Variants in P3H2 observed in about 807,000 individuals in gnomAD.
P3H2 encodes the protein prolyl 3-hydroxylase 2.
P3H2 carries 80 observed loss-of-function variants against 87.0 expected under a neutral mutation model. The observed-to-expected ratio is 0.92, with a 90% CI of 0.77 to 1.11. The LOEUF (loss-of-function observed/expected upper bound fraction) is 1.11, where lower values mean the gene tolerates loss of function less well. Ranked by LOEUF, P3H2 falls within the 50% of genes least tolerant of loss-of-function variation. The probability of loss-of-function intolerance (pLI) is 0.00; values close to 1 mark genes in which losing one functional copy is unlikely to be tolerated. For synonymous variants in P3H2, 367 were observed against 359.3 expected (o/e 1.02, Z -0.24); for missense variants, 1,001 against 923.9 (o/e 1.08, Z -1.08).
At chr3:190,094,198 C>T (rs1262489487) in intron 1 of P3H2, among the ~76,000 whole-genome samples, 1 of 152,224 alleles carries the variant, frequency 6.6e-6, no homozygotes, top group Non-Finnish European at 1.5e-5. Flanking sequence ...TAATCCAATA[C>T]TGACACTATT....
chr3:190,043,814 TC>T (rs1725717948), intron 1 of P3H2, among the ~76,000 whole-genome samples: 1 of 152,168 alleles, frequency 6.6e-6, no homozygotes, highest in African/African-American at 2.4e-5. Context: ...CAGCTGTGTC[TC>T]CCAGAGTCAG....
chr3:190,013,042 T>C (rs1466915365), intron 1 of P3H2, among the ~76,000 whole-genome samples: 1 of 152,208 alleles, frequency 6.6e-6, no homozygotes. Context: ...GCTGTTCATA[T>C]GGTTGTTCAC....
chr3:189,981,363 A>C (rs757130980), intron 8 of P3H2, among the ~76,000 whole-genome samples: 6 of 152,188 alleles, frequency 3.9e-5, no homozygotes, highest in Non-Finnish European at 7.3e-5. Flanking sequence ...TCAGAACTGA[A>C]TTGGATTAGT....
At chr3:190,000,775 G>C (rs919373893) in intron 1 of P3H2, among the ~76,000 whole-genome samples, 4 of 152,136 alleles carry the variant, frequency 2.6e-5, no homozygotes, top group Non-Finnish European at 5.9e-5. Context: ...AGTTAGAGAA[G>C]GACGGATCAT....
In P3H2 at chr3:189,957,334, C is replaced by A; in HGVS notation, c.*578G>T. 2.5e-6 allele frequency: 1 copy of A among 401,180 alleles called. No homozygotes were observed. Among genetic ancestry groups the A allele is most frequent in the South Asian group, 1.3e-4 (1 of 7,448 alleles). The allele number at this position is 401,180 out of a possible 1,614,324, so 24.9% of individuals were successfully genotyped here. ...AAAGGCACAGAGCAAGAAAGGGCTT[C>A]AGAGACCAGGCACAGGTTAATTTTA... On this transcript the variant is annotated 3_prime_UTR_variant, in exon 15 of 15. Coordinates refer to ENST00000319332, the MANE Select transcript of P3H2 (RefSeq NM_018192.4).
chr3:190,118,412 C>A (rs1712378735), intron 1 of P3H2, among the ~76,000 whole-genome samples: 1 of 152,004 alleles, frequency 6.6e-6, no homozygotes, highest in Non-Finnish European at 1.5e-5. Flanking sequence ...CTTATGATAA[C>A]TTCACCGTCA....
At chr3:189,973,725 C>A (rs910342689) in intron 10 of P3H2, among the ~76,000 whole-genome samples, 184 bp downstream of exon 10, 1 of 151,884 alleles carries the variant, frequency 6.6e-6, no homozygotes, top group Non-Finnish European at 1.5e-5. Flanking sequence ...GGGGTTTCAC[C>A]ATGTTAGCCA....
intron 1 of P3H2, among the ~76,000 whole-genome samples, chr3:190,112,499 T>C (rs978082051): frequency 6.6e-6 from 1 of 150,924 alleles, no homozygotes; most frequent in African/African-American, 2.5e-5. Context: ...TTAATACAGC[T>C]AGAAACCTGA....
intron 1 of P3H2, among the ~76,000 whole-genome samples, chr3:190,105,497 T>C (rs538875283): frequency 6.6e-6 from 1 of 152,286 alleles, no homozygotes; most frequent in South Asian, 2.1e-4. Flanking sequence ...CTCTTGAACA[T>C]TGCCTAGTTT....
At chr3:190,095,897 C>T (rs908637693) in intron 1 of P3H2, among the ~76,000 whole-genome samples, 5 of 151,970 alleles carry the variant, frequency 3.3e-5, no homozygotes, top group African/African-American at 9.7e-5. Context: ...CCACCGCGCC[C>T]GGCCAAAAAC....
chr3:190,011,832 A>G (rs1724599365), intron 1 of P3H2, among the ~76,000 whole-genome samples: 1 of 152,248 alleles, frequency 6.6e-6, no homozygotes, highest in African/African-American at 2.4e-5. Context: ...AAAAAAGCAG[A>G]TTGTATGACA....
intron 1 of P3H2, among the ~76,000 whole-genome samples, chr3:190,003,496 A>T (rs375980675): frequency 5.7e-5 from 2 of 35,118 alleles, no homozygotes; most frequent in African/African-American, 1.0e-4. Flanking sequence ...CCTTGATGTT[A>T]AAAAAAAAAA....
rs748773364 is a variant in P3H2 at position 189,986,889 on chromosome 3, G to A, written c.1099-12C>T. 1 of 1,572,948 alleles carries A rather than the reference G, an allele frequency of 6.4e-7. No homozygotes were observed. The highest frequency in any genetic ancestry group is 8.7e-7 in the Non-Finnish European group (1 of 1,142,866). Reference sequence around the variant, plus strand: ...AACATTGTTAAATCCTAGAGAAAAAGAAGTAAAGAAAGACATTTTTTATTT... The same window carrying A: ...AACATTGTTAAATCCTAGAGAAAAAAAAGTAAAGAAAGACATTTTTTATTT... On this transcript the variant is annotated splice_polypyrimidine_tract_variant and intron_variant, in intron 5 of 14. Coordinates refer to ENST00000319332, the MANE Select transcript of P3H2 (RefSeq NM_018192.4).
At chr3:190,056,450 A>G (rs1167473903) in intron 1 of P3H2, among the ~76,000 whole-genome samples, 3 of 152,174 alleles carry the variant, frequency 2.0e-5, no homozygotes, top group African/African-American at 7.2e-5. Flanking sequence ...CTAAACATTC[A>G]TGGAAAAATA....
chr3:189,984,410 G>T, intron 7 of P3H2, 140 bp downstream of exon 7: 1 of 671,590 alleles, frequency 1.5e-6, no homozygotes, highest in East Asian at 2.7e-5. Context: ...GGACCTGGAT[G>T]TAGAGCTCCT....
intron 1 of P3H2, among the ~76,000 whole-genome samples, chr3:190,075,499 A>G (rs955767858): frequency 4.2e-4 from 63 of 150,426 alleles, no homozygotes; most frequent in Non-Finnish European, 6.7e-4. Flanking sequence ...AAAAAAAAAG[A>G]AAAAAAGAAA....
At chr3:190,071,304 G>A (rs1432112651) in intron 1 of P3H2, among the ~76,000 whole-genome samples, 2 of 152,136 alleles carry the variant, frequency 1.3e-5, no homozygotes, top group African/African-American at 4.8e-5. Context: ...ACTTTTCAAT[G>A]CCAGTCCTTA....
chr3:190,051,646 A>G (rs1364368620), intron 1 of P3H2, among the ~76,000 whole-genome samples: 3 of 152,260 alleles, frequency 2.0e-5, no homozygotes, highest in African/African-American at 7.2e-5. Context: ...TTGGAACACA[A>G]AAAATAACAG....
intron 1 of P3H2, among the ~76,000 whole-genome samples, chr3:189,997,988 G>A (rs1476953758): frequency 1.3e-5 from 2 of 152,132 alleles, no homozygotes; most frequent in African/African-American, 4.8e-5. Flanking sequence ...ATGCTCAAAA[G>A]AACTATACAC....
Sources: allele counts gnomAD v4.1 joint callset (sites outside exome capture counted in the v4.1 genomes callset), GRCh38; gene constraint gnomAD v4.1.1; transcripts MANE v1.5; gene names NCBI Gene and HGNC (gene_info 2026-07-23, HGNC 2026-07-21).